The following RABGGTA variants were observed in gnomAD, a reference collection of about 807,000 sequenced individuals.
RABGGTA encodes Rab geranylgeranyltransferase subunit alpha.
Under a neutral mutation model 83.3 loss-of-function variants are expected in RABGGTA, and 69 were observed. The observed-to-expected ratio is 0.83, with a 90% CI of 0.68 to 1.01. The LOEUF (loss-of-function observed/expected upper bound fraction) is 1.01. Ranked by LOEUF, RABGGTA falls within the 50% of genes least tolerant of loss-of-function variation. The pLI, the probability that RABGGTA is intolerant of heterozygous loss-of-function variation, is 0.00. For missense variants in RABGGTA, 681 were observed against 712.7 expected, an observed-to-expected ratio of 0.96 and a Z score of 0.51; for synonymous variants, 310 against 299.8, an observed-to-expected ratio of 1.03 and a Z score of -0.35.
Position 24,269,555 on chromosome 14 carries a change from G to C in RABGGTA, c.567C>G (p.Pro189=), listed in dbSNP as rs760577084. 6.2e-7 allele frequency: 1 copy of C among 1,610,848 alleles called. No individual in the cohort carries two copies. Among genetic ancestry groups the C allele is most frequent in the Non-Finnish European group, 8.5e-7 (1 of 1,177,134 alleles). The change falls in exon 6 of 17, where the codon CCC becomes CCG. Residue 189 remains proline, a synonymous_variant. Transcript: ENST00000216840. ...CAGAATCCGGCTGGGGGTGCAGCTG[G>C]GGCAAGAGACAGGAGCGGTAATGCC... ...SSWHYRSCLL[P]QLHPQPDSGP... is the part of the protein sequence containing the mutation.
intron 16 of RABGGTA, 99 bp from the exon 17 acceptor site, chr14:24,265,862 T>C: frequency 6.9e-7 from 1 of 1,456,822 alleles, no homozygotes; most frequent in Non-Finnish European, 9.1e-7. Flanking sequence ...GAAGTCTGTT[T>C]GATGGGCATC....
Position 24,268,576 on chromosome 14 carries a change from T to G in RABGGTA, c.944A>C (p.Gln315Pro). The G allele has an allele frequency of 3.7e-6, 6 of 1,614,008 alleles. No individual in the cohort carries two copies. Among genetic ancestry groups the G allele is most frequent in the Non-Finnish European group, 5.1e-6 (6 of 1,179,884 alleles). Residue 315 changes from glutamine to proline, a missense_variant, in exon 10 of 17, where the codon CAA becomes CCA. Coordinates refer to ENST00000216840, the MANE Select transcript of RABGGTA (RefSeq NM_182836.3). Reference protein sequence around the residue: ...PAASLNDQLPQHTFRVIWTAG... With the variant: ...PAASLNDQLPPHTFRVIWTAG... ...TGTCCAAATGACGCGAAATGTATGT[T>G]GGGGCAACTGGTCGTTGAGGGAGGC...
At position 24,266,638 on chromosome 14, in the gene RABGGTA, T is replaced by C. The variant is rs754477070; in HGVS notation, c.1468-121A>G. The C allele has an allele frequency of 4.1e-6, 5 of 1,228,208 alleles. No homozygotes were observed. The African/African-American group carries it at 6.0e-5, about 15-fold the overall frequency. 76.1% of individuals were successfully genotyped at this position (1,228,208 alleles called of 1,614,324 possible). A position where few individuals can be genotyped will look rare whatever the true frequency, so the allele number is the denominator to read the frequency against. ...GAGGGGCTCACAGGGTCAGGCTGCG[T>C]GATGGAGGTGGAAGGCACGCAGTTA... On this transcript the variant is annotated intron_variant, in intron 15 of 16. Transcript: ENST00000216840.
In RABGGTA at chr14:24,268,292, C is replaced by G. The variant is rs556099115; in HGVS notation, c.1058+77G>C. 59 of 1,608,322 alleles carry G rather than the reference C, an allele frequency of 3.7e-5. 1 individual carries two copies. In the South Asian group the frequency reaches 6.5e-4, roughly 18 times the overall value. ...TCTAGACTGAAACAGCTCCTTGAGG[C>G]CCCAGCCTCCTGCCCTGGCTGCCTG... On this transcript the variant is annotated intron_variant, in intron 11 of 16. Coordinates refer to ENST00000216840, the MANE Select transcript of RABGGTA (RefSeq NM_182836.3).
Position 24,265,762 on chromosome 14 carries a change from G to A in RABGGTA, c.1557C>T (p.Arg519=). 3.7e-6 allele frequency: 6 copies of A among 1,606,134 alleles called. No individual in the cohort carries two copies. The highest frequency in any genetic ancestry group is 5.1e-6 in the Non-Finnish European group (6 of 1,176,490). The part of the protein sequence containing the change: ...RLQELLLCNN[R]LQQPAVLQPL... ...GCTGGAGCACTGCAGGCTGCTGGAG[G>A]CCTTGTTCAGGAGAGTCAAGGAAAG... is the stretch of plus-strand genomic sequence containing the variant. The change falls in exon 17 of 17, where the codon CGC becomes CGT. Residue 519 remains arginine (R), a splice_region_variant and synonymous_variant. Transcript: ENST00000216840.
chr14:24,270,954 G>A lies in RABGGTA; in HGVS notation c.4-7C>T. The A allele has an allele frequency of 1.2e-6, 2 of 1,613,356 alleles. No individual in the cohort carries two copies. Among genetic ancestry groups the A allele is most frequent in the Non-Finnish European group, 1.7e-6 (2 of 1,179,622 alleles). Reference sequence around the variant, plus strand: ...TCACCTTCAGGCGTCCGTGCTACAAGGATGAACGGGTTGGAAGAGTGCAGG... The same window carrying A: ...TCACCTTCAGGCGTCCGTGCTACAAAGATGAACGGGTTGGAAGAGTGCAGG... On this transcript the variant is annotated splice_polypyrimidine_tract_variant and splice_region_variant and intron_variant, in intron 2 of 16. Coordinates refer to ENST00000216840, the MANE Select transcript of RABGGTA (RefSeq NM_182836.3).
In RABGGTA at chr14:24,267,977, A is replaced by G. The variant is rs760415836; in HGVS notation, c.1148-19T>C. The G allele has an allele frequency of 6.2e-7, 1 of 1,612,182 alleles. No homozygotes were observed. The highest frequency in any genetic ancestry group is 8.5e-7 in the Non-Finnish European group (1 of 1,178,688). On this transcript the variant is annotated intron_variant, in intron 12 of 16. Coordinates refer to ENST00000216840, the MANE Select transcript of RABGGTA (RefSeq NM_182836.3). ...AGGCACCCTGAGGAGAGGGCAGGGA[A>G]AAGGAGGGTTTCTCTTGGAACCTCC... is the stretch of plus-strand genomic sequence containing the variant.
At chr14:24,265,944 A>G (rs1017493023) in intron 16 of RABGGTA, among the ~76,000 whole-genome samples, 181 bp from the exon 17 acceptor site, 2 of 152,170 alleles carry the variant, frequency 1.3e-5, no homozygotes, top group African/African-American at 4.8e-5. Flanking sequence ...TCAGCCAGGA[A>G]AGAATGAGCC....
At chr14:24,266,074 G>A (rs1199812897) in intron 16 of RABGGTA, among the ~76,000 whole-genome samples, 1 of 152,244 alleles carries the variant, frequency 6.6e-6, no homozygotes, top group South Asian at 2.1e-4. Context: ...GCTGCTGAGT[G>A]AAAATACCAG....
At chr14:24,270,604 T>C in intron 3 of RABGGTA, 146 bp from the exon 4 acceptor site, 1 of 1,200,218 alleles carries the variant, frequency 8.3e-7, no homozygotes, top group Non-Finnish European at 1.2e-6. Context: ...TTACAGGTAT[T>C]CTCTCATTTA....
Position 24,271,242 on chromosome 14 carries a change from A to C in RABGGTA, c.-54-73T>G, listed in dbSNP as rs903303208. The C allele has an allele frequency of 2.6e-5, 34 of 1,284,026 alleles. No homozygotes were observed. In the African/African-American group the frequency reaches 3.6e-4, roughly 14 times the overall value. The allele number at this position is 1,284,026 out of a possible 1,614,324, so 79.5% of individuals were successfully genotyped here. Reference sequence around the variant, plus strand: ...CCCACAGCTGTGTCCGGAAGCAGCAAGCGTGCCTGGGCAGAGACCCCCAGA... The same window carrying C: ...CCCACAGCTGTGTCCGGAAGCAGCACGCGTGCCTGGGCAGAGACCCCCAGA... On this transcript the variant is annotated intron_variant, in intron 1 of 16. Coordinates refer to ENST00000216840, the MANE Select transcript of RABGGTA (RefSeq NM_182836.3).
chr14:24,266,465 A>G lies in RABGGTA; in HGVS notation c.1520T>C (p.Leu507Pro). 1 of 1,614,006 alleles carries G rather than the reference A, an allele frequency of 6.2e-7. No individual in the cohort carries two copies. Among genetic ancestry groups the G allele is most frequent in the South Asian group, 1.1e-5 (1 of 91,084 alleles). Residue 507 changes from leucine (L) to proline (P), a missense_variant, in exon 16 of 17, where the codon CTA (leucine) becomes CCA (proline). Coordinates refer to ENST00000216840, the MANE Select transcript of RABGGTA (RefSeq NM_182836.3). The stretch of plus-strand genomic sequence containing the variant: ...CAGTAGCAGCTCCTGCAGCCGGGGT[A>G]GGTTGGTGACGCCGTCCAGGGACTC... The part of the protein sequence containing the change: ...AIESLDGVTN[L>P]PRLQELLLCN...
rs755326489 is a variant in RABGGTA, at chr14:24,267,814, TG to T, written c.1237-39del. On this transcript the variant is annotated intron_variant, in intron 13 of 16. Coordinates refer to ENST00000216840, the MANE Select transcript of RABGGTA (RefSeq NM_182836.3). ...AGGTGGGCAGGGTATGCATGTCAGCTGCCTGCCTCCTGCCTGCTGGGCCTCC... is the reference window on the plus strand; with the variant it reads ...AGGTGGGCAGGGTATGCATGTCAGCTCCTGCCTCCTGCCTGCTGGGCCTCC... The T allele has an allele frequency of 6.5e-4, 1,051 of 1,610,200 alleles. 1 individual carries two copies. Among genetic ancestry groups the T allele is most frequent in the Non-Finnish European group, 8.1e-4 (954 of 1,177,546 alleles).
rs372387737 is a variant in RABGGTA at position 24,266,756 on chromosome 14, C to T, written c.1467+20G>A. The T allele has an allele frequency of 1.3e-4, 214 of 1,588,492 alleles. No homozygotes were observed. Among genetic ancestry groups the T allele is most frequent in the Non-Finnish European group, 1.7e-4 (195 of 1,157,264 alleles). ...GGAAAAGAACCACCCGTGACAGGGA[C>T]GGAGACATGGGTACTTTACCTCAAG... On this transcript the variant is annotated intron_variant, in intron 15 of 16. Coordinates refer to ENST00000216840, the MANE Select transcript of RABGGTA (RefSeq NM_182836.3).
chr14:24,267,025 G>T (rs991235333), intron 14 of RABGGTA, 136 bp from the exon 15 acceptor site: 3 of 666,638 alleles, frequency 4.5e-6, no homozygotes, highest in Non-Finnish European at 5.4e-6. Flanking sequence ...GAGGATGGGA[G>T]CATGTGGGAA....
Position 24,266,495 on chromosome 14 carries a change from G to A in RABGGTA, c.1490C>T (p.Ala497Val). 1.2e-6 allele frequency: 2 copies of A among 1,613,966 alleles called. No homozygotes were observed. Among genetic ancestry groups the A allele is most frequent in the Non-Finnish European group, 1.7e-6 (2 of 1,179,884 alleles). Residue 497 changes from alanine to valine, a missense_variant, in exon 16 of 17, where the codon GCC (alanine) becomes GTC (valine). This residue lies in a region of RABGGTA where 421 missense variants were observed against 418.5 expected (regional missense o/e 1.01). Transcript: ENST00000216840. ...CLEVLQASDN[A>V]IESLDGVTNL... ...GGTGACGCCGTCCAGGGACTCTATG[G>A]CATTATCACTGGCCTGCAGCACCTG...
chr14:24,270,396 G>A lies in RABGGTA; in HGVS notation c.177C>T (p.Asn59=). 2 of 1,613,984 alleles carry A rather than the reference G, an allele frequency of 1.2e-6. No individual in the cohort carries two copies. The highest frequency in any genetic ancestry group is 3.3e-5 in the Admixed American group (2 of 60,008). Residue 59 remains asparagine (N), a synonymous_variant, in exon 4 of 17, where the codon AAC becomes AAT. Transcript: ENST00000216840. ...AGTTCCAGAGGGTGGCAAAATCAGG[G>A]TTGGCTCCCAGAATCTGGCTTGTCA... is the stretch of plus-strand genomic sequence containing the variant. ...LELTSQILGA[N]PDFATLWNCR...
chr14:24,269,810 A>G, intron 5 of RABGGTA, 116 bp from the exon 6 acceptor site: 1 of 1,417,588 alleles, frequency 7.1e-7, no homozygotes, highest in South Asian at 1.3e-5. Context: ...TCCACGGAGG[A>G]TGCATTTGGC....
chr14:24,268,935 A>G lies in RABGGTA; in HGVS notation c.774T>C (p.Thr258=). The G allele has an allele frequency of 6.3e-7, 1 of 1,588,050 alleles. No individual in the cohort carries two copies. Residue 258 remains threonine, a synonymous_variant, in exon 8 of 17, where the codon ACT becomes ACC. Coordinates refer to ENST00000216840, the MANE Select transcript of RABGGTA (RefSeq NM_182836.3). ...CTAAGAGGGGCCGAGAGAAGGAGAC[A>G]GTCAGACAGGCCTCGTCCCGGCTCA... ...LHVSRDEACL[T]VSFSRPLLVG...
Sources: gnomAD v4.1 joint callset for allele counts (sites outside exome capture counted in the v4.1 genomes callset) on GRCh38, gnomAD v4.1.1 for gene constraint, gnomAD v4.1.1 regional missense constraint, MANE v1.5 for transcripts, NCBI Gene and HGNC (gene_info 2026-07-23, HGNC 2026-07-21) for gene names.